Variants in STXBP6 observed in about 807,000 individuals in gnomAD.
The protein encoded by STXBP6 is syntaxin-binding protein 6.
A neutral mutation model predicts 26.9 loss-of-function variants in STXBP6; 21 were observed. The observed-to-expected ratio is 0.78, with a 90% CI of 0.55 to 1.12. The LOEUF is 1.12. STXBP6 is among the 50% of genes most tolerant of loss of function. The pLI is 0.00. For synonymous variants in STXBP6, 97 were observed against 92.6 expected, an observed-to-expected ratio of 1.05 and a Z score of -0.27; for missense variants, 232 against 257.9, an observed-to-expected ratio of 0.90 and a Z score of 0.69.
intron 5 of STXBP6, chr14:24,818,100 G>A (rs1190456775): frequency 6.6e-6 from 3 of 456,526 alleles, no homozygotes; most frequent in Middle Eastern, 3.2e-4. Context: ...TTTCTTCCCC[G>A]AAAGGTCACC....
intron 3 of STXBP6, among the ~76,000 whole-genome samples, chr14:24,856,674 A>G (rs1019559123): frequency 1.3e-5 from 2 of 151,778 alleles, no homozygotes; most frequent in Admixed American, 6.6e-5. Context: ...ACACCTTGTC[A>G]TTAGTGCCAG....
chr14:25,026,749 G>C (rs1190905767), intron 1 of STXBP6, among the ~76,000 whole-genome samples: 1 of 152,152 alleles, frequency 6.6e-6, no homozygotes. Context: ...CAAATTAAAA[G>C]TGGACACACA....
chr14:24,850,564 A>T (rs2069117004), intron 4 of STXBP6, among the ~76,000 whole-genome samples: 1 of 152,160 alleles, frequency 6.6e-6, no homozygotes, highest in Admixed American at 6.6e-5. Flanking sequence ...GCAATAAGAG[A>T]GAGCTAATTT....
intron 2 of STXBP6, among the ~76,000 whole-genome samples, chr14:24,965,739 C>A (rs1245564792): frequency 6.6e-6 from 1 of 152,116 alleles, no homozygotes; most frequent in African/African-American, 2.4e-5. Context: ...CAGTCTTCTG[C>A]CTAACCTGTG....
At chr14:24,895,308 G>C (rs762008180) in intron 2 of STXBP6, among the ~76,000 whole-genome samples, 5 of 152,190 alleles carry the variant, frequency 3.3e-5, no homozygotes, top group African/African-American at 7.2e-5. Flanking sequence ...TGTTAACACT[G>C]TTTATCCCTG....
chr14:25,047,569 T>C (rs2075745471), intron 1 of STXBP6, among the ~76,000 whole-genome samples: 1 of 152,202 alleles, frequency 6.6e-6, no homozygotes, highest in African/African-American at 2.4e-5. Context: ...AAATGCTAAT[T>C]CTTGGGCCTT....
At position 25,049,062 on chromosome 14, in the gene STXBP6, G is replaced by C; in HGVS notation, c.-33+816C>G. The C allele has an allele frequency of 1.4e-6, 1 of 722,272 alleles. No individual in the cohort carries two copies. The highest frequency in any genetic ancestry group is 1.7e-6 in the Non-Finnish European group (1 of 589,404). 44.7% of individuals were successfully genotyped at this position (722,272 alleles called of 1,614,324 possible). A position where few individuals can be genotyped will look rare whatever the true frequency, so the allele number is the denominator to read the frequency against. ...CAGAACCAAGGGCAGATACACCCCG[G>C]GGACTTTCTCCTAAAGAACAAGATG... On this transcript the variant is annotated intron_variant, in intron 1 of 5. Coordinates refer to ENST00000323944, the MANE Select transcript of STXBP6 (RefSeq NM_001394410.1). The surrounding 1 kb of genome is among the most constrained non-coding windows in gnomAD (Gnocchi z 5.6).
chr14:25,028,251 AGAG>A (rs1265982658), intron 1 of STXBP6, among the ~76,000 whole-genome samples: 1 of 152,236 alleles, frequency 6.6e-6, no homozygotes, highest in Non-Finnish European at 1.5e-5. Context: ...CCATAGGTAC[AGAG>A]GAGAAGTCAA....
intron 2 of STXBP6, among the ~76,000 whole-genome samples, chr14:24,926,526 T>C (rs1400702995): frequency 2.0e-5 from 3 of 152,212 alleles, no homozygotes; most frequent in African/African-American, 4.8e-5. Context: ...GAAAAAAATA[T>C]ATAGGCTGAC....
At chr14:24,822,636 C>T (rs564470277) in intron 4 of STXBP6, among the ~76,000 whole-genome samples, 1 of 152,222 alleles carries the variant, frequency 6.6e-6, no homozygotes, top group East Asian at 1.9e-4. Flanking sequence ...AAGATGTACA[C>T]GCAGTGTCTC....
At chr14:24,866,237 G>A (rs949165526) in intron 2 of STXBP6, among the ~76,000 whole-genome samples, 1 of 152,134 alleles carries the variant, frequency 6.6e-6, no homozygotes, top group African/African-American at 2.4e-5. Flanking sequence ...GACTTGTACT[G>A]CAATACTGGC....
At chr14:24,962,348 GAGAC>G (rs2073576944) in intron 2 of STXBP6, among the ~76,000 whole-genome samples, 1 of 147,458 alleles carries the variant, frequency 6.8e-6, no homozygotes, top group Non-Finnish European at 1.5e-5. Context: ...TATTATTTTT[GAGAC>G]AGAGTCTCAC....
chr14:24,992,600 A>C (rs1207754816), intron 1 of STXBP6, among the ~76,000 whole-genome samples: 1 of 152,172 alleles, frequency 6.6e-6, no homozygotes, highest in African/African-American at 2.4e-5. Flanking sequence ...ACAAGACATA[A>C]ATGAATGGAC....
chr14:25,013,634 A>G (rs963936003), intron 1 of STXBP6, among the ~76,000 whole-genome samples: 8 of 152,178 alleles, frequency 5.3e-5, no homozygotes, highest in Non-Finnish European at 1.0e-4. Flanking sequence ...CAGAGGCTAG[A>G]GGAATATGTT....
chr14:25,049,811 G>A lies in STXBP6; in HGVS notation c.-33+67C>T. The A allele has an allele frequency of 1.0e-6, 1 of 985,878 alleles. No individual in the cohort carries two copies. 61.1% of individuals were successfully genotyped at this position (985,878 alleles called of 1,614,324 possible). ...GCCAGGCGCCCCAACAGCCGTGGCG[G>A]CTGCAACCGCATCTCCCGGGCTTGG... On this transcript the variant is annotated intron_variant, in intron 1 of 5. Coordinates refer to ENST00000323944, the MANE Select transcript of STXBP6 (RefSeq NM_001394410.1). This position sits in a 1 kb window ranked among gnomAD's most constrained non-coding sequence, Gnocchi z 5.6.
chr14:24,998,052 G>T (rs2074652326), intron 1 of STXBP6, among the ~76,000 whole-genome samples: 1 of 152,088 alleles, frequency 6.6e-6, no homozygotes, highest in Non-Finnish European at 1.5e-5. Flanking sequence ...GAAGTTGTTA[G>T]AAATTGATAC....
At position 24,963,359 on chromosome 14, in the gene STXBP6, A is replaced by G. The variant is rs74037407; in HGVS notation, c.154+11306T>C. Reference sequence around the variant, plus strand: ...AATGAAGGCCAGGTATATTCTTGCTATCTTGAAGCCATTTGCCGAGACCCT... The same window carrying G: ...AATGAAGGCCAGGTATATTCTTGCTGTCTTGAAGCCATTTGCCGAGACCCT... On this transcript the variant is annotated intron_variant, in intron 2 of 5. Transcript: ENST00000323944. Among the ~76,000 whole-genome samples the G allele has an allele frequency of 3.5e-3, 539 of 152,338 alleles. 2 individuals are homozygous for G. The highest frequency in any genetic ancestry group is 0.012 in the African/African-American group (513 of 41,586).
At chr14:25,047,392 G>A (rs1348105964) in intron 1 of STXBP6, among the ~76,000 whole-genome samples, 1 of 152,170 alleles carries the variant, frequency 6.6e-6, no homozygotes, top group Non-Finnish European at 1.5e-5. Flanking sequence ...AAATGCCTAA[G>A]GAGACTTCCC....
chr14:24,859,831 A>G (rs143270652), intron 2 of STXBP6, among the ~76,000 whole-genome samples: 4 of 152,320 alleles, frequency 2.6e-5, no homozygotes, highest in East Asian at 1.9e-4. Context: ...TAGGGTGGGT[A>G]TGACTCCCAG....
Sources: gnomAD v4.1 joint callset for allele counts (sites outside exome capture counted in the v4.1 genomes callset) on GRCh38, gnomAD v4.1.1 for gene constraint, Gnocchi (gnomAD v3.1) non-coding constraint, MANE v1.5 for transcripts, NCBI Gene and HGNC (gene_info 2026-07-23, HGNC 2026-07-21) for gene names.